The following SPON1 variants were observed in gnomAD, a reference collection of about 807,000 sequenced individuals.
SPON1 encodes the protein spondin-1.
A neutral mutation model predicts 111.7 loss-of-function variants in SPON1; 52 were observed. That is an observed-to-expected ratio of 0.47 (90% confidence interval 0.37 to 0.59). The LOEUF (loss-of-function observed/expected upper bound fraction) is 0.59. SPON1 is among the 20% of genes least tolerant of loss of function. The pLI is 0.00. For missense variants in SPON1, 957 were observed against 1,068.5 expected, an observed-to-expected ratio of 0.90 and a Z score of 1.46; for synonymous variants, 410 against 395.8, an observed-to-expected ratio of 1.04 and a Z score of -0.43.
intron 6 of SPON1, among the ~76,000 whole-genome samples, chr11:14,178,193 C>T (rs879946364): frequency 2.6e-5 from 4 of 151,940 alleles, no homozygotes; most frequent in Non-Finnish European, 4.4e-5. Context: ...GAGGCTGAGG[C>T]GGGTGGATCA....
At chr11:14,223,561 C>T (rs1308451620) in intron 6 of SPON1, among the ~76,000 whole-genome samples, 3 of 152,222 alleles carry the variant, frequency 2.0e-5, no homozygotes, top group African/African-American at 7.2e-5. Context: ...AGATGAATGT[C>T]ATTCGGTTCT....
At chr11:14,220,234 C>T (rs1447447671) in intron 6 of SPON1, among the ~76,000 whole-genome samples, 3 of 152,118 alleles carry the variant, frequency 2.0e-5, no homozygotes, top group Admixed American at 2.0e-4. Flanking sequence ...TGAGCCAGTT[C>T]CTCTGGTTGA....
At chr11:14,141,999 G>C (rs1847662484) in intron 6 of SPON1, among the ~76,000 whole-genome samples, 1 of 152,142 alleles carries the variant, frequency 6.6e-6, no homozygotes, top group African/African-American at 2.4e-5. Flanking sequence ...TCTGAATCAA[G>C]ATTTCCTGAG....
chr11:14,008,769 A>C (rs1280309863), intron 2 of SPON1, among the ~76,000 whole-genome samples: 2 of 152,126 alleles, frequency 1.3e-5, no homozygotes, highest in Non-Finnish European at 2.9e-5. Flanking sequence ...TGTTTTGTAG[A>C]GTCAGCCTTT....
intron 5 of SPON1, among the ~76,000 whole-genome samples, chr11:14,086,968 T>C (rs1849011637): frequency 6.6e-6 from 1 of 152,228 alleles, no homozygotes; most frequent in African/African-American, 2.4e-5. Context: ...TGGGAGTCTG[T>C]AGTTTTGTGG....
chr11:14,075,800 T>G (rs1270663381), intron 4 of SPON1, among the ~76,000 whole-genome samples: 1 of 152,196 alleles, frequency 6.6e-6, no homozygotes, highest in Non-Finnish European at 1.5e-5. Context: ...CAAGATCTTG[T>G]GTGGCACCCA....
intron 5 of SPON1, among the ~76,000 whole-genome samples, chr11:14,118,183 C>A (rs537940758): frequency 6.6e-6 from 1 of 152,180 alleles, no homozygotes; most frequent in East Asian, 1.9e-4. Flanking sequence ...AATACAAGCT[C>A]CTAGATTTTT....
intron 6 of SPON1, among the ~76,000 whole-genome samples, chr11:14,188,342 A>T (rs1554934262): frequency 1.7e-4 from 26 of 152,282 alleles, no homozygotes; most frequent in African/African-American, 6.0e-4. Flanking sequence ...TCCTGGACAC[A>T]GTCCAGGACT....
chr11:14,110,338 CTG>C (rs1554925329), intron 5 of SPON1, among the ~76,000 whole-genome samples: 3 of 152,204 alleles, frequency 2.0e-5, no homozygotes. Flanking sequence ...GCTGCCTATA[CTG>C]TGTCAGTTGC....
chr11:13,964,246 G>A (rs1847998380), intron 1 of SPON1, among the ~76,000 whole-genome samples: 1 of 152,232 alleles, frequency 6.6e-6, no homozygotes, highest in Admixed American at 6.5e-5. Context: ...TCCCGCCAGG[G>A]AGCGTGTCCT....
intron 2 of SPON1, among the ~76,000 whole-genome samples, chr11:14,020,050 G>A (rs1554914652): frequency 6.6e-6 from 1 of 152,126 alleles, no homozygotes; most frequent in Non-Finnish European, 1.5e-5. Flanking sequence ...CAATCTCTGG[G>A]GTTGGACACT....
chr11:14,152,039 T>G (rs1847794273), intron 6 of SPON1, among the ~76,000 whole-genome samples: 1 of 152,174 alleles, frequency 6.6e-6, no homozygotes, highest in South Asian at 2.1e-4. Context: ...GTAACCCCAT[T>G]TGGCCCAGTT....
intron 5 of SPON1, among the ~76,000 whole-genome samples, chr11:14,089,467 C>T (rs1354848893): frequency 6.6e-6 from 1 of 152,192 alleles, no homozygotes; most frequent in Non-Finnish European, 1.5e-5. Flanking sequence ...GCAGAGGCTC[C>T]AGAATCGCAA....
chr11:13,981,838 C>T (rs79623861), intron 1 of SPON1, among the ~76,000 whole-genome samples: 12,071 of 152,208 alleles, frequency 0.079, 632 homozygotes, highest in South Asian at 0.16. Flanking sequence ...TGTGGTTCCA[C>T]GGCCCTGCTC....
At chr11:13,995,861 A>G (rs1848267976) in intron 2 of SPON1, among the ~76,000 whole-genome samples, 1 of 152,202 alleles carries the variant, frequency 6.6e-6, no homozygotes, top group Non-Finnish European at 1.5e-5. Flanking sequence ...GACCTGTTAG[A>G]AAGAACCATA....
At chr11:14,212,694 T>C (rs1254728589) in intron 6 of SPON1, among the ~76,000 whole-genome samples, 2 of 152,222 alleles carry the variant, frequency 1.3e-5, no homozygotes, top group Admixed American at 6.5e-5. Flanking sequence ...AAGTAGAAGA[T>C]ATTACACTGT....
intron 6 of SPON1, among the ~76,000 whole-genome samples, chr11:14,137,656 G>T (rs758637623): frequency 1.3e-4 from 20 of 152,166 alleles, no homozygotes; most frequent in South Asian, 2.1e-4. Flanking sequence ...AATCTGCTCC[G>T]TGTAAACCTG....
intron 2 of SPON1, among the ~76,000 whole-genome samples, chr11:13,994,738 G>T (rs141256153): frequency 6.6e-6 from 1 of 152,146 alleles, no homozygotes; most frequent in Non-Finnish European, 1.5e-5. Flanking sequence ...AAATACTCTA[G>T]AACTTTCAGT....
chr11:14,147,088 G>A (rs12793925), intron 6 of SPON1, among the ~76,000 whole-genome samples: 55,822 of 137,628 alleles, frequency 0.41, 11,172 homozygotes, highest in East Asian at 0.56. Context: ...GGAGTGCAGT[G>A]GTGCGATCTT....
Sources: gnomAD v4.1 joint callset for allele counts (sites outside exome capture counted in the v4.1 genomes callset) on GRCh38, gnomAD v4.1.1 for gene constraint, MANE v1.5 for transcripts, NCBI Gene and HGNC (gene_info 2026-07-23, HGNC 2026-07-21) for gene names.